The following BMPER variants were observed in gnomAD, a reference collection of about 807,000 sequenced individuals.
BMPER encodes BMP binding endothelial regulator.
Under a neutral mutation model 87.3 loss-of-function variants are expected in BMPER, and 45 were observed. The ratio of observed to expected loss-of-function variants is 0.52; its 90% CI spans 0.41 to 0.66. The LOEUF is 0.66. Among genes scored for constraint, BMPER ranks in the 30% least tolerant of loss-of-function variants. BMPER has a pLI of 0.00. For synonymous variants in BMPER, 326 were observed against 316.2 expected (o/e 1.03, Z -0.33); for missense variants, 784 against 867.5 (o/e 0.90, Z 1.21).
chr7:34,065,195 ACACACT>A (rs1184124941), intron 11 of BMPER, among the ~76,000 whole-genome samples: 21 of 122,876 alleles, frequency 1.7e-4, no homozygotes, highest in South Asian at 5.1e-4. Flanking sequence ...ACACACACAT[ACACACT>A]CACTCTCTCT....
At chr7:34,046,929 T>TA (rs34848321) in intron 7 of BMPER, among the ~76,000 whole-genome samples, 11 of 148,880 alleles carry the variant, frequency 7.4e-5, no homozygotes, top group African/African-American at 2.6e-4. Flanking sequence ...GCACTTTATT[T>TA]TTTTTTTTTT....
chr7:33,920,925 G>A (rs192955534), intron 2 of BMPER, among the ~76,000 whole-genome samples: 6 of 152,288 alleles, frequency 3.9e-5, no homozygotes, highest in East Asian at 3.9e-4. Flanking sequence ...GTCAACTACC[G>A]TTTACGTAAT....
chr7:34,057,091 TC>T (rs1788306131), intron 9 of BMPER, among the ~76,000 whole-genome samples: 1 of 152,152 alleles, frequency 6.6e-6, no homozygotes, highest in Non-Finnish European at 1.5e-5. Context: ...GGGTAGACAG[TC>T]CTTAAAATAG....
Position 34,041,948 on chromosome 7 carries a change from G to A in BMPER, c.577-4358G>A, listed in dbSNP as rs760372448. Reference sequence around the variant, plus strand: ...CTCTGCTCCTGTTTGGGAGATGAGTGCCACATCACACGCTACAAGGTGGTT... The same window carrying A: ...CTCTGCTCCTGTTTGGGAGATGAGTACCACATCACACGCTACAAGGTGGTT... On this transcript the variant is annotated intron_variant, in intron 6 of 14. Transcript: ENST00000649409. 1.8e-3 allele frequency among the ~76,000 whole-genome samples: 274 copies of A among 152,268 alleles called. 2 individuals carry two copies. The highest frequency in any genetic ancestry group is 3.4e-3 in the Non-Finnish European group (228 of 68,018).
chr7:34,061,720 C>A (rs180768679), intron 10 of BMPER, among the ~76,000 whole-genome samples: 1 of 152,258 alleles, frequency 6.6e-6, no homozygotes, highest in Admixed American at 6.5e-5. Context: ...CATCTTCCTT[C>A]CATGTGAGAA....
intron 12 of BMPER, among the ~76,000 whole-genome samples, 182 bp from the exon 13 acceptor site, chr7:34,085,574 C>G (rs188301039): frequency 1.3e-5 from 2 of 152,266 alleles, no homozygotes; most frequent in African/African-American, 4.8e-5. Context: ...GCAAATGACT[C>G]AGATAATTTC....
At chr7:33,983,086 A>G (rs573387884) in intron 6 of BMPER, among the ~76,000 whole-genome samples, 1 of 152,348 alleles carries the variant, frequency 6.6e-6, no homozygotes, top group East Asian at 1.9e-4. Context: ...TCAGCAAGTT[A>G]AGTACTTTTA....
chr7:33,966,699 T>C (rs1303903188), intron 4 of BMPER, 138 bp downstream of exon 4: 4 of 764,856 alleles, frequency 5.2e-6, no homozygotes, highest in Non-Finnish European at 8.8e-6. Context: ...AACTGTATCC[T>C]TGTGTGTACT....
At chr7:33,953,393 A>T (rs1785073684) in intron 3 of BMPER, among the ~76,000 whole-genome samples, 1 of 152,212 alleles carries the variant, frequency 6.6e-6, no homozygotes, top group Admixed American at 6.5e-5. Context: ...GTAGATGGGG[A>T]ATCAATTATT....
chr7:34,091,089 C>T (rs1427865185), intron 13 of BMPER, among the ~76,000 whole-genome samples: 3 of 152,100 alleles, frequency 2.0e-5, no homozygotes, highest in Non-Finnish European at 4.4e-5. Context: ...ACAGGACCTT[C>T]GTGTTGGATA....
chr7:33,989,928 A>C (rs577266407), intron 6 of BMPER, among the ~76,000 whole-genome samples: 58 of 152,142 alleles, frequency 3.8e-4, no homozygotes, highest in Admixed American at 2.7e-3. Flanking sequence ...ATAGTTGTAG[A>C]TATGCGGCGT....
At chr7:34,147,300 C>T (rs1021106374) in intron 14 of BMPER, among the ~76,000 whole-genome samples, 2 of 152,180 alleles carry the variant, frequency 1.3e-5, no homozygotes, top group Non-Finnish European at 2.9e-5. Flanking sequence ...TTCAGCACCC[C>T]ATAGGGGGAT....
intron 13 of BMPER, among the ~76,000 whole-genome samples, chr7:34,132,405 G>T (rs541565292): frequency 6.6e-5 from 10 of 151,784 alleles, no homozygotes; most frequent in African/African-American, 2.4e-4. Context: ...CACCCCAAAG[G>T]CCCCAGGATC....
At chr7:33,912,789 C>A (rs1360628455) in intron 2 of BMPER, among the ~76,000 whole-genome samples, 1 of 152,170 alleles carries the variant, frequency 6.6e-6, no homozygotes, top group Non-Finnish European at 1.5e-5. Context: ...AGCAAATGAG[C>A]TGGGTGTATA....
intron 7 of BMPER, among the ~76,000 whole-genome samples, chr7:34,047,815 C>CTTCCTTCCTTCCTTCCTTCCT (rs370198631): frequency 2.0e-5 from 3 of 146,442 alleles, no homozygotes; most frequent in Admixed American, 6.9e-5. Context: ...TCCTTTCTTC[C>CTTCCTTCCTTCCTTCCTTCCT]TCACTTTCCT....
At chr7:34,103,957 T>C (rs1789751952) in intron 13 of BMPER, among the ~76,000 whole-genome samples, 3 of 152,248 alleles carry the variant, frequency 2.0e-5, no homozygotes, top group Admixed American at 6.5e-5. Flanking sequence ...CTACTGAGCA[T>C]GGCCTTCAAT....
In BMPER at chr7:34,105,514, T is replaced by A. The variant is rs1295767467; in HGVS notation, c.1745+19422T>A. 5.3e-5 allele frequency among the ~76,000 whole-genome samples: 8 copies of A among 152,334 alleles called. No homozygotes were observed. In the East Asian group the frequency reaches 1.5e-3, roughly 29 times the overall value. On this transcript the variant is annotated intron_variant, in intron 13 of 14. Coordinates refer to ENST00000649409, the MANE Select transcript of BMPER (RefSeq NM_001365308.1). ...CACCATAGAGGGCCAGTCAGGGATA[T>A]CTGGACTCTAAAATGATGAGAACAG...
intron 13 of BMPER, among the ~76,000 whole-genome samples, chr7:34,095,955 T>G (rs975746875): frequency 5.3e-5 from 8 of 151,910 alleles, no homozygotes; most frequent in African/African-American, 1.9e-4. Context: ...GAAATAGAGA[T>G]AATATCTTCA....
At chr7:34,003,561 G>A (rs140610511) in intron 6 of BMPER, among the ~76,000 whole-genome samples, 15 of 151,984 alleles carry the variant, frequency 9.9e-5, no homozygotes, top group East Asian at 1.9e-4. Flanking sequence ...ATTAATGTCC[G>A]CTTATTTCAG....
Sources: allele counts gnomAD v4.1 joint callset (sites outside exome capture counted in the v4.1 genomes callset), GRCh38; gene constraint gnomAD v4.1.1; transcripts MANE v1.5; gene names NCBI Gene and HGNC (gene_info 2026-07-23, HGNC 2026-07-21).